Variants in CIMIP1 observed in about 807,000 individuals in gnomAD.
The protein encoded by CIMIP1 is ciliary microtubule inner protein 1, also known as low in lung cancer 1.
the CIMIP1 span, among the ~76,000 whole-genome samples, chr20:58,155,834 G>A: frequency 8.5e-5 from 13 of 152,324 alleles, no homozygotes; most frequent in South Asian, 8.3e-4. Context: ...GTCTTCATGC[G>A]TTCTTTCAGC....
chr20:58,161,053 CT>C, the CIMIP1 span: 2 of 374,064 alleles, frequency 5.3e-6, no homozygotes, highest in Non-Finnish European at 9.4e-6. Context: ...ATGAATAAGG[CT>C]TCTCTCATTT....
chr20:58,155,155 AT>A, the CIMIP1 span, among the ~76,000 whole-genome samples: 1 of 152,218 alleles, frequency 6.6e-6, no homozygotes, highest in Non-Finnish European at 1.5e-5. Flanking sequence ...GTTTTCTCAA[AT>A]TCCCCCACAG....
the CIMIP1 span, chr20:58,153,428 CCGTCCCTGGTGCAGAACCA>C: frequency 1.3e-6 from 1 of 755,556 alleles, no homozygotes; most frequent in Non-Finnish European, 2.3e-6. Context: ...GCTCCTCACT[CCGTCCCTGGTGCAGAACCA>C]CTGCCCAGTC....
the CIMIP1 span, among the ~76,000 whole-genome samples, chr20:58,158,788 T>C: frequency 0.5 from 75,816 of 152,076 alleles, 20,383 homozygotes; most frequent in East Asian, 0.96. Context: ...TCTGATGAGA[T>C]GCCTCCCTCC....
the CIMIP1 span, chr20:58,160,838 T>G: frequency 2.5e-6 from 4 of 1,602,882 alleles, no homozygotes; most frequent in Non-Finnish European, 2.6e-6. Context: ...GACGGAGTTC[T>G]GCCCAGGGGT....
At chr20:58,156,569 G>A in the CIMIP1 span, among the ~76,000 whole-genome samples, 2 of 152,246 alleles carry the variant, frequency 1.3e-5, no homozygotes, top group South Asian at 4.1e-4. Flanking sequence ...TGTAAGCAGG[G>A]CCATGGAAAG....
the CIMIP1 span, chr20:58,153,627 T>C: frequency 2.5e-6 from 4 of 1,601,344 alleles, no homozygotes; most frequent in Non-Finnish European, 3.4e-6. Flanking sequence ...TTTGAGGAGG[T>C]AAATATAAAT....
At chr20:58,161,007 G>C in the CIMIP1 span, 5 of 548,908 alleles carry the variant, frequency 9.1e-6, no homozygotes, top group East Asian at 1.6e-4. Context: ...CACCCTTCCA[G>C]AATGTTCACG....
At chr20:58,151,715 A>T in the CIMIP1 span, among the ~76,000 whole-genome samples, 1 of 151,672 alleles carries the variant, frequency 6.6e-6, no homozygotes, top group African/African-American at 2.4e-5. Flanking sequence ...GCCTGGCCAA[A>T]TTTTTTTTTA....
the CIMIP1 span, among the ~76,000 whole-genome samples, chr20:58,154,808 G>A: frequency 6.6e-6 from 1 of 152,128 alleles, no homozygotes. Context: ...TTTTTTGTTA[G>A]TTTGTTTGTT....
At chr20:58,153,798 C>T in the CIMIP1 span, among the ~76,000 whole-genome samples, 2 of 152,254 alleles carry the variant, frequency 1.3e-5, no homozygotes, top group East Asian at 3.9e-4. Flanking sequence ...GCACTGACCA[C>T]ATGCCAGGCA....
chr20:58,158,018 C>A, the CIMIP1 span, among the ~76,000 whole-genome samples: 1 of 152,134 alleles, frequency 6.6e-6, no homozygotes, highest in South Asian at 2.1e-4. Flanking sequence ...GATCCCTTGC[C>A]GGCCCATGAG....
the CIMIP1 span, among the ~76,000 whole-genome samples, chr20:58,157,924 T>C: frequency 6.6e-6 from 1 of 152,150 alleles, no homozygotes; most frequent in Non-Finnish European, 1.5e-5. Context: ...ACTCCCTGCC[T>C]CCACCTGCCT....
At chr20:58,160,519 A>T in the CIMIP1 span, 7 of 755,008 alleles carry the variant, frequency 9.3e-6, no homozygotes, top group Non-Finnish European at 1.2e-5. Flanking sequence ...AGTCCAGCTG[A>T]TTGGAATGTG....
At chr20:58,152,020 T>C in the CIMIP1 span, among the ~76,000 whole-genome samples, 1 of 152,230 alleles carries the variant, frequency 6.6e-6, no homozygotes, top group African/African-American at 2.4e-5. Context: ...AGTTATCCTA[T>C]TTACCCTCTC....
At chr20:58,156,602 A>G in the CIMIP1 span, among the ~76,000 whole-genome samples, 1 of 152,162 alleles carries the variant, frequency 6.6e-6, no homozygotes, top group Admixed American at 6.5e-5. Context: ...TATTGGAAAG[A>G]TGGCTCTCAT....
the CIMIP1 span, chr20:58,155,473 C>G: frequency 1.2e-6 from 2 of 1,613,172 alleles, no homozygotes; most frequent in African/African-American, 2.7e-5. Context: ...TTCAGTTGAT[C>G]AAGTGTGAAG....
the CIMIP1 span, among the ~76,000 whole-genome samples, chr20:58,152,503 G>A: frequency 1.3e-5 from 2 of 151,902 alleles, no homozygotes; most frequent in Admixed American, 6.6e-5. Context: ...CACTTTGGGA[G>A]GCCGAGGCCA....
chr20:58,160,588 C>T, the CIMIP1 span: 8 of 1,495,844 alleles, frequency 5.3e-6, no homozygotes, highest in South Asian at 1.3e-5. Context: ...CCACCCCTGC[C>T]TCACATGCCG....
Sources: allele counts gnomAD v4.1 joint callset (sites outside exome capture counted in the v4.1 genomes callset), GRCh38; gene constraint gnomAD v4.1.1; transcripts MANE v1.5; gene names NCBI Gene and HGNC (gene_info 2026-07-23, HGNC 2026-07-21).